Variants in CARM1 observed in about 807,000 individuals in gnomAD.
CARM1 encodes the protein histone-arginine methyltransferase CARM1.
In CARM1, 14 loss-of-function variants were observed where a neutral mutation model predicts 72.7. That is an observed-to-expected ratio of 0.19 (90% confidence interval 0.13 to 0.30). The LOEUF (loss-of-function observed/expected upper bound fraction) is 0.30. Among genes scored for constraint, CARM1 ranks in the 10% least tolerant of loss-of-function variants. CARM1 has a pLI of 1.00. For synonymous variants in CARM1, 333 were observed against 345.5 expected (o/e 0.96, Z 0.40); for missense variants, 432 against 833.7 (o/e 0.52, Z 5.93).
chr19:10,876,364 G>A (rs558533041), intron 1 of CARM1, among the ~76,000 whole-genome samples: 8 of 152,244 alleles, frequency 5.3e-5, no homozygotes, highest in Non-Finnish European at 1.2e-4. Context: ...AGCAGTGTTC[G>A]TTGGTGTGGC....
chr19:10,891,261 C>T (rs2073986034), intron 1 of CARM1, among the ~76,000 whole-genome samples: 1 of 152,100 alleles, frequency 6.6e-6, no homozygotes, highest in Admixed American at 6.6e-5. Context: ...CATGGCTACA[C>T]AGTGAACCAT....
chr19:10,882,724 T>C (rs1423358731), intron 1 of CARM1, among the ~76,000 whole-genome samples: 1 of 152,000 alleles, frequency 6.6e-6, no homozygotes, highest in African/African-American at 2.4e-5. Flanking sequence ...GTGTTTTTAG[T>C]AGAGACGGGG....
intron 8 of CARM1, among the ~76,000 whole-genome samples, chr19:10,917,628 C>T (rs533109383): frequency 5.8e-4 from 88 of 152,168 alleles, no homozygotes; most frequent in Admixed American, 2.2e-3. Flanking sequence ...ATTCCAATTA[C>T]GTGTACAGTG....
At chr19:10,899,648 C>A (rs2074049543) in intron 1 of CARM1, among the ~76,000 whole-genome samples, 1 of 152,016 alleles carries the variant, frequency 6.6e-6, no homozygotes, top group Admixed American at 6.5e-5. Flanking sequence ...GGCCGGGGAG[C>A]TGCCCTTCAG....
At chr19:10,897,715 C>T (rs1359283723) in intron 1 of CARM1, among the ~76,000 whole-genome samples, 1 of 152,084 alleles carries the variant, frequency 6.6e-6, no homozygotes, top group African/African-American at 2.4e-5. Flanking sequence ...GGGCCGGGCA[C>T]GGTGGCTCAC....
intron 1 of CARM1, among the ~76,000 whole-genome samples, chr19:10,904,687 A>C (rs1008461350): frequency 1.3e-5 from 2 of 152,178 alleles, no homozygotes; most frequent in African/African-American, 4.8e-5. Context: ...CTGTCTGCCC[A>C]CCTCAGCCTT....
chr19:10,873,624 G>GTTT (rs1169565864), intron 1 of CARM1, among the ~76,000 whole-genome samples: 581 of 47,376 alleles, frequency 0.012, 63 homozygotes, highest in Middle Eastern at 0.088. Flanking sequence ...TTTTAGTTTA[G>GTTT]TTTTTTTTTT....
At chr19:10,890,902 C>T (rs1019936563) in intron 1 of CARM1, among the ~76,000 whole-genome samples, 5 of 142,076 alleles carry the variant, frequency 3.5e-5, no homozygotes, top group Admixed American at 1.5e-4. Context: ...CACAGGAGGT[C>T]GAGGCTGCAG....
chr19:10,880,118 C>T (rs1376479972), intron 1 of CARM1, among the ~76,000 whole-genome samples: 1 of 152,220 alleles, frequency 6.6e-6, no homozygotes, highest in Admixed American at 6.5e-5. Context: ...GGTGGAGAGG[C>T]TCAGGAAGAC....
intron 1 of CARM1, among the ~76,000 whole-genome samples, chr19:10,875,573 C>A (rs531360616): frequency 1.8e-4 from 28 of 151,846 alleles, no homozygotes; most frequent in Non-Finnish European, 3.8e-4. Context: ...TACAGGCGCC[C>A]GCCACCACGC....
intron 1 of CARM1, among the ~76,000 whole-genome samples, chr19:10,873,034 G>A (rs955450166): frequency 3.3e-4 from 50 of 152,246 alleles, no homozygotes; most frequent in Non-Finnish European, 1.2e-4. Context: ...CTGTCCGAGG[G>A]TGCCGTCTCT....
rs763578324 is a variant in CARM1 at position 10,871,847 on chromosome 19, C to A, written c.145C>A (p.Arg49=). 145 of 1,296,690 alleles carry A rather than the reference C, an allele frequency of 1.1e-4. No homozygotes were observed. Among genetic ancestry groups the A allele is most frequent in the Non-Finnish European group, 1.4e-4 (140 of 1,016,176 alleles). The allele number at this position is 1,296,690 out of a possible 1,614,324, so 80.3% of individuals were successfully genotyped here. The change falls in exon 1 of 16, where the codon CGG becomes AGG. Residue 49 remains arginine (R), a synonymous_variant. Coordinates refer to ENST00000327064, the MANE Select transcript of CARM1 (RefSeq NM_199141.2). This position sits in a 1 kb window ranked among gnomAD's most constrained non-coding sequence, Gnocchi z 5.6. ...CGGCGACGCGAACGGCGAGATCCAG[C>A]GGCACGCGGAGCAGCAGGCGCTGCG... ...TIGDANGEIQ[R]HAEQQALRLE...
At chr19:10,872,684 T>TG (rs1568343276) in intron 1 of CARM1, among the ~76,000 whole-genome samples, 2 of 152,130 alleles carry the variant, frequency 1.3e-5, no homozygotes, top group African/African-American at 4.8e-5. Context: ...GACATTTCAC[T>TG]GGGGGGAAAA....
At chr19:10,918,868 C>T (rs754291335) in intron 8 of CARM1, 1 of 152,252 alleles carries the variant, frequency 6.6e-6, no homozygotes, top group Non-Finnish European at 1.5e-5. Context: ...ATCCTGGCCG[C>T]TCTGGTTGGT....
chr19:10,903,692 C>G (rs961518890), intron 1 of CARM1, among the ~76,000 whole-genome samples: 1 of 151,980 alleles, frequency 6.6e-6, no homozygotes. Context: ...TCCCAAGTAG[C>G]TAGGACCACA....
chr19:10,903,939 A>G (rs2074084355), intron 1 of CARM1, among the ~76,000 whole-genome samples: 1 of 152,096 alleles, frequency 6.6e-6, no homozygotes, highest in African/African-American at 2.4e-5. Flanking sequence ...CCTGGGTTCA[A>G]GTGATCCTCC....
At chr19:10,917,044 C>T (rs1030000445) in intron 8 of CARM1, among the ~76,000 whole-genome samples, 3 of 151,822 alleles carry the variant, frequency 2.0e-5, no homozygotes, top group African/African-American at 7.3e-5. Flanking sequence ...AACACAGAGA[C>T]GCCATCGCTA....
intron 1 of CARM1, among the ~76,000 whole-genome samples, chr19:10,879,559 C>A (rs1197578520): frequency 6.6e-6 from 1 of 152,072 alleles, no homozygotes; most frequent in Non-Finnish European, 1.5e-5. Context: ...CACAGGGTCC[C>A]CTGTGAGGAG....
chr19:10,880,084 C>T (rs938713969), intron 1 of CARM1, among the ~76,000 whole-genome samples: 2 of 152,206 alleles, frequency 1.3e-5, no homozygotes, highest in East Asian at 1.9e-4. Context: ...GCCTCACACA[C>T]CTCAGACCAG....
Sources: gnomAD v4.1 joint callset for allele counts (sites outside exome capture counted in the v4.1 genomes callset) on GRCh38, gnomAD v4.1.1 for gene constraint, Gnocchi (gnomAD v3.1) non-coding constraint, MANE v1.5 for transcripts, NCBI Gene and HGNC (gene_info 2026-07-23, HGNC 2026-07-21) for gene names.